Variants in BNIP3L observed in about 807,000 individuals in gnomAD.
The protein encoded by BNIP3L is BCL2/adenovirus E1B 19 kDa protein-interacting protein 3-like.
In BNIP3L, 10 loss-of-function variants were observed where a neutral mutation model predicts 25.5. The ratio of observed to expected loss-of-function variants is 0.39; its 90% CI spans 0.24 to 0.67. The LOEUF (loss-of-function observed/expected upper bound fraction) is 0.67. Among genes scored for constraint, BNIP3L ranks in the 30% least tolerant of loss-of-function variants. The pLI is 0.45. For missense variants in BNIP3L, 215 were observed against 270.9 expected (o/e 0.79, Z 1.45); for synonymous variants, 113 against 101.2 (o/e 1.12, Z -0.70).
intron 3 of BNIP3L, among the ~76,000 whole-genome samples, chr8:26,403,721 G>A (rs1476411595): frequency 1.3e-5 from 2 of 149,658 alleles, no homozygotes; most frequent in South Asian, 2.1e-4. Flanking sequence ...TTTTTTTTTT[G>A]TATAGACAGA....
At chr8:26,387,516 G>A (rs1286770872) in intron 1 of BNIP3L, among the ~76,000 whole-genome samples, 1 of 152,136 alleles carries the variant, frequency 6.6e-6, no homozygotes, top group East Asian at 1.9e-4. Context: ...AAGTAAAAAG[G>A]GACTTTGTGA....
chr8:26,387,211 A>G (rs1402529481), intron 1 of BNIP3L, among the ~76,000 whole-genome samples: 2 of 152,170 alleles, frequency 1.3e-5, no homozygotes, highest in African/African-American at 4.8e-5. Context: ...CAATTATTGG[A>G]CCACCCTTCA....
intron 3 of BNIP3L, among the ~76,000 whole-genome samples, chr8:26,396,594 C>T (rs1806252898): frequency 6.7e-6 from 1 of 149,148 alleles, no homozygotes; most frequent in Admixed American, 6.7e-5. Flanking sequence ...AACGCAGTTC[C>T]TCACCAGCAA....
rs1805893915 is a variant in BNIP3L at position 26,383,176 on chromosome 8, A to G, written c.46A>G (p.Asn16Asp). ...GCCGCCGCCGCCCCTGCACAACAAC[A>G]ACAACAACTGCGAGGAAAATGAGCA... The part of the protein sequence containing the change: ...VEPPPPLHNN[N>D]NNCEENEQSL... The change falls in exon 1 of 6, where the codon AAC becomes GAC. Residue 16 changes from asparagine to aspartate, a missense_variant. Asn to Asp is a conservative substitution (Grantham distance 23, BLOSUM62 1). Coordinates refer to ENST00000380629, the MANE Select transcript of BNIP3L (RefSeq NM_004331.3). 1 of 1,612,456 alleles carries G rather than the reference A, an allele frequency of 6.2e-7. No homozygotes were observed. Among genetic ancestry groups the G allele is most frequent in the African/African-American group, 1.3e-5 (1 of 74,872 alleles).
chr8:26,410,292 A>G, intron 5 of BNIP3L, 72 bp from the exon 6 acceptor site: 1 of 1,561,490 alleles, frequency 6.4e-7, no homozygotes, highest in Non-Finnish European at 8.8e-7. Context: ...TTTTAAGTAG[A>G]GTTCAACCTG....
At chr8:26,401,697 G>A (rs1806387341) in intron 3 of BNIP3L, among the ~76,000 whole-genome samples, 1 of 150,272 alleles carries the variant, frequency 6.7e-6, no homozygotes, top group Admixed American at 6.6e-5. Flanking sequence ...TGAAATCAAA[G>A]CAGTGGCTTT....
chr8:26,408,803 C>T (rs1053783561), intron 5 of BNIP3L, among the ~76,000 whole-genome samples: 8 of 142,154 alleles, frequency 5.6e-5, no homozygotes, highest in Admixed American at 3.8e-4. Context: ...ACATGGGAGG[C>T]GGAAATTGCA....
chr8:26,388,814 A>AATAC (rs1806045636), intron 1 of BNIP3L, among the ~76,000 whole-genome samples: 1 of 144,938 alleles, frequency 6.9e-6, no homozygotes. Flanking sequence ...CTACTAAATA[A>AATAC]ATAAATAAAT....
chr8:26,395,164 T>C (rs1806205925), intron 2 of BNIP3L, 66 bp from the exon 3 acceptor site: 16 of 1,533,302 alleles, frequency 1.0e-5, no homozygotes, highest in South Asian at 5.8e-5. Flanking sequence ...TTCTAATTTC[T>C]AGTAGAGACT....
intron 3 of BNIP3L, among the ~76,000 whole-genome samples, chr8:26,397,742 GAC>G: frequency 1.7e-5 from 1 of 57,982 alleles, no homozygotes; most frequent in Non-Finnish European, 3.5e-5. Context: ...CACGTGCAGA[GAC>G]ACACATAGGC....
intron 3 of BNIP3L, among the ~76,000 whole-genome samples, chr8:26,406,221 CAT>C (rs1268510647): frequency 1.5e-4 from 23 of 152,294 alleles, no homozygotes; most frequent in Non-Finnish European, 1.9e-4. Flanking sequence ...TGATATGACA[CAT>C]GTTAAATTCT....
intron 2 of BNIP3L, among the ~76,000 whole-genome samples, chr8:26,394,848 A>G (rs1806197797): frequency 6.6e-6 from 1 of 152,250 alleles, no homozygotes; most frequent in African/African-American, 2.4e-5. Flanking sequence ...CTGGTGAATT[A>G]TTTAATGATG....
intron 3 of BNIP3L, among the ~76,000 whole-genome samples, chr8:26,398,671 C>T (rs1463179218): frequency 5.8e-5 from 8 of 137,622 alleles, no homozygotes; most frequent in Non-Finnish European, 9.5e-5. Flanking sequence ...TTCAAAAAAT[C>T]AATGAATCCA....
chr8:26,394,148 A>G (rs1472270225), intron 2 of BNIP3L, among the ~76,000 whole-genome samples: 3 of 152,164 alleles, frequency 2.0e-5, no homozygotes, highest in Non-Finnish European at 4.4e-5. Flanking sequence ...TATACAAGAA[A>G]TCATTAATAA....
intron 3 of BNIP3L, among the ~76,000 whole-genome samples, chr8:26,401,561 T>TAAAAAAAAAAAAAAAAAA (rs1173522728): frequency 2.1e-5 from 1 of 48,538 alleles, no homozygotes; most frequent in Admixed American, 2.3e-4. Context: ...AAACTTAAAT[T>TAAAAAAAAAAAAAAAAAA]AAAAAAAAAA....
intron 2 of BNIP3L, 111 bp downstream of exon 2, chr8:26,391,537 C>A: frequency 1.1e-6 from 1 of 886,556 alleles, no homozygotes; most frequent in Non-Finnish European, 1.6e-6. Context: ...AATATGCCTC[C>A]TGATATATTG....
In BNIP3L at chr8:26,410,532, TC is replaced by T; in HGVS notation, c.*122del. 3 of 1,122,282 alleles carry T rather than the reference TC, an allele frequency of 2.7e-6. No homozygotes were observed. The highest frequency in any genetic ancestry group is 4.0e-6 in the Non-Finnish European group (3 of 749,154). The allele number at this position is 1,122,282 out of a possible 1,614,324, so 69.5% of individuals were successfully genotyped here. On this transcript the variant is annotated 3_prime_UTR_variant, in exon 6 of 6. Transcript: ENST00000380629. ...CAACCTACCACCCTGTTTTTACATA[TC>T]CAATTCCAGTAACTCTCAAATTCAA...
chr8:26,407,124 G>A (rs1806518014), intron 3 of BNIP3L, among the ~76,000 whole-genome samples: 1 of 151,354 alleles, frequency 6.6e-6, no homozygotes, highest in Non-Finnish European at 1.5e-5. Context: ...TTCTGCCTCA[G>A]CCTCTCAAGT....
intron 5 of BNIP3L, among the ~76,000 whole-genome samples, chr8:26,410,120 T>A (rs1005599939): frequency 6.6e-6 from 1 of 152,204 alleles, no homozygotes; most frequent in Non-Finnish European, 1.5e-5. Flanking sequence ...GTCTAATCAC[T>A]ACCCCTTTGC....
Sources: allele counts gnomAD v4.1 joint callset (sites outside exome capture counted in the v4.1 genomes callset), GRCh38; gene constraint gnomAD v4.1.1; transcripts MANE v1.5; gene names NCBI Gene and HGNC (gene_info 2026-07-23, HGNC 2026-07-21).